KAZN: variants seen among roughly 807,000 people sequenced by gnomAD.
The protein encoded by KAZN is kazrin, periplakin interacting protein, also known as kazrin.
In KAZN, 40 loss-of-function variants were observed where a neutral mutation model predicts 87.4. That is an observed-to-expected ratio of 0.46 (90% CI 0.36 to 0.60). The LOEUF (loss-of-function observed/expected upper bound fraction) is 0.60, where lower values mean the gene tolerates loss of function less well. Among genes scored for constraint, KAZN ranks in the 20% least tolerant of loss-of-function variants. The probability of loss-of-function intolerance (pLI) is 0.00; values close to 1 mark genes in which losing one functional copy is unlikely to be tolerated. For synonymous variants in KAZN, 466 were observed against 458.3 expected, an observed-to-expected ratio of 1.02 and a Z score of -0.22; for missense variants, 898 against 1,073.9, an observed-to-expected ratio of 0.84 and a Z score of 2.29.
intron 1 of KAZN, among the ~76,000 whole-genome samples, chr1:14,704,153 G>A (rs1642081134): frequency 6.6e-6 from 1 of 152,204 alleles, no homozygotes; most frequent in Admixed American, 6.5e-5. Context: ...AAATAGTAAG[G>A]AGAGACACCT....
At chr1:14,382,394 T>C (rs925214125) in intron 2 of KAZN, among the ~76,000 whole-genome samples, 2 of 150,836 alleles carry the variant, frequency 1.3e-5, no homozygotes, top group African/African-American at 4.9e-5. Context: ...TGTATACATG[T>C]ACCATGCTGG....
intron 4 of KAZN, among the ~76,000 whole-genome samples, chr1:15,050,649 A>C (rs2100433626): frequency 6.6e-6 from 1 of 152,266 alleles, no homozygotes; most frequent in East Asian, 1.9e-4. Context: ...GCCCCTGGCC[A>C]CCACCTTCTT....
chr1:14,958,501 T>C (rs1216400358), intron 1 of KAZN, among the ~76,000 whole-genome samples: 1 of 152,086 alleles, frequency 6.6e-6, no homozygotes, highest in Admixed American at 6.5e-5. Context: ...GCACTTCCTT[T>C]ATGAGGAGGG....
At chr1:13,945,677 GT>G (rs376986323) in intron 1 of KAZN, among the ~76,000 whole-genome samples, 1,332 of 96,272 alleles carry the variant, frequency 0.014, 15 homozygotes, top group African/African-American at 0.043. Context: ...TTTGCTCTCA[GT>G]TTGTGTGTGT....
chr1:15,106,978 A>G (rs1573315734), intron 13 of KAZN, among the ~76,000 whole-genome samples: 1 of 152,162 alleles, frequency 6.6e-6, no homozygotes, highest in South Asian at 2.1e-4. Context: ...AACAAACAAA[A>G]AAAATATGCC....
intron 2 of KAZN, among the ~76,000 whole-genome samples, chr1:14,994,726 G>A (rs909703428): frequency 4.6e-5 from 7 of 152,198 alleles, no homozygotes; most frequent in Non-Finnish European, 7.3e-5. Flanking sequence ...TCCTGACTTT[G>A]GTGTGTAGCA....
intron 2 of KAZN, among the ~76,000 whole-genome samples, chr1:14,373,814 G>A (rs796368866): frequency 8.9e-4 from 136 of 152,272 alleles, no homozygotes; most frequent in African/African-American, 3.1e-3. Context: ...ATGGGGAATC[G>A]AGGCTTATAT....
chr1:14,659,566 G>A (rs1276734151), intron 1 of KAZN, among the ~76,000 whole-genome samples: 1 of 152,192 alleles, frequency 6.6e-6, no homozygotes, highest in Non-Finnish European at 1.5e-5. Flanking sequence ...GGAAACCGAT[G>A]GCACCATAAA....
chr1:14,433,957 G>A lies in KAZN; in HGVS notation c.250-165026G>A, dbSNP rs1327779283. ...CCACGTGAGGACACAATGCGAAGGA[G>A]GCTGTTTGCAAACCAGGAAGGGGGA... On this transcript the variant is annotated intron_variant, in intron 2 of 16. Coordinates refer to the KAZN transcript ENST00000636203. Among the ~76,000 whole-genome samples, 4 of 152,378 alleles carry A rather than the reference G, an allele frequency of 2.6e-5. No homozygotes were observed. The East Asian group carries it at 7.7e-4, about 29-fold the overall frequency.
chr1:14,561,038 A>G (rs780892910), intron 2 of KAZN, among the ~76,000 whole-genome samples: 2 of 152,130 alleles, frequency 1.3e-5, no homozygotes, highest in African/African-American at 2.4e-5. Context: ...TCCTCTCTGC[A>G]TCAACTCCTG....
chr1:14,098,192 TC>T (rs1388976448), intron 1 of KAZN, among the ~76,000 whole-genome samples: 3 of 152,162 alleles, frequency 2.0e-5, no homozygotes, highest in Non-Finnish European at 4.4e-5. Context: ...TTCCTCACCT[TC>T]TGACTCAAGT....
At chr1:14,405,087 C>T (rs1328830) in intron 2 of KAZN, among the ~76,000 whole-genome samples, 45,156 of 152,052 alleles carry the variant, frequency 0.3, 7,314 homozygotes, top group Admixed American at 0.38. Context: ...TGTGAATAAA[C>T]CCACCTCCTG....
intron 2 of KAZN, among the ~76,000 whole-genome samples, chr1:14,990,659 T>A (rs1340562080): frequency 6.6e-6 from 1 of 151,866 alleles, no homozygotes; most frequent in Admixed American, 6.6e-5. Context: ...CAATACTGAC[T>A]CTCTGGCTCT....
chr1:14,205,884 CAAA>C lies in KAZN; in HGVS notation c.249+25312_249+25314del, dbSNP rs70997121. The stretch of plus-strand genomic sequence containing the variant: ...CAGGCGACAGAGCAAGACACTGTCT[CAAA>C]AAAAAAAAAAAAAAAAAAAGCTACC... On this transcript the variant is annotated intron_variant, in intron 2 of 16. Coordinates refer to the KAZN transcript ENST00000636203. Among the ~76,000 whole-genome samples the C allele has an allele frequency of 3.5e-3, 125 of 35,214 alleles. 3 individuals are homozygous for C. The highest frequency in any genetic ancestry group is 5.5e-3 in the South Asian group (3 of 548). 23.1% of individuals were successfully genotyped at this position (35,214 alleles called of 152,430 possible).
rs766028066 is a variant in KAZN at position 14,773,009 on chromosome 1, G to A, written c.226+173786G>A. On this transcript the variant is annotated intron_variant, in intron 1 of 14. Transcript: ENST00000376030. The surrounding 1 kb of genome is among the most constrained non-coding windows in gnomAD (Gnocchi z 5.9). ...ATGGTTCCCCACCAGCCAAGAGAATGGTATGAATGTCCACAGGCGGCCTCT... is the reference window on the plus strand; with the variant it reads ...ATGGTTCCCCACCAGCCAAGAGAATAGTATGAATGTCCACAGGCGGCCTCT... Among the ~76,000 whole-genome samples, 9 of 152,040 alleles carry A rather than the reference G, an allele frequency of 5.9e-5. No homozygotes were observed. The highest frequency in any genetic ancestry group is 4.4e-5 in the Non-Finnish European group (3 of 68,022).
At chr1:15,110,381 A>G (rs1046981134) in intron 13 of KAZN, among the ~76,000 whole-genome samples, 15 of 46,440 alleles carry the variant, frequency 3.2e-4, no homozygotes, top group South Asian at 3.5e-3. Context: ...TGTAGTGTGT[A>G]TTTGTGTGTT....
intron 2 of KAZN, among the ~76,000 whole-genome samples, chr1:14,382,151 G>C (rs887386596): frequency 6.6e-5 from 10 of 152,052 alleles, no homozygotes; most frequent in African/African-American, 2.2e-4. Flanking sequence ...AAATATTGAT[G>C]CAAGAAATTG....
At chr1:14,849,540 G>T (rs1183896764) in intron 1 of KAZN, among the ~76,000 whole-genome samples, 1 of 152,140 alleles carries the variant, frequency 6.6e-6, no homozygotes, top group Non-Finnish European at 1.5e-5. Flanking sequence ...GGTTGGGGAA[G>T]ATCATTCCAA....
At chr1:14,984,738 A>G (rs1666599796) in intron 2 of KAZN, among the ~76,000 whole-genome samples, 1 of 152,188 alleles carries the variant, frequency 6.6e-6, no homozygotes, top group African/African-American at 2.4e-5. Context: ...TCCTTCCAGA[A>G]AGCAAGAATG....
Sources: allele counts gnomAD v4.1 joint callset (sites outside exome capture counted in the v4.1 genomes callset), GRCh38; gene constraint gnomAD v4.1.1; non-coding constraint Gnocchi (gnomAD v3.1); transcripts MANE v1.5; gene names NCBI Gene and HGNC (gene_info 2026-07-23, HGNC 2026-07-21).